The following PUDP variants were observed in gnomAD, a reference collection of about 807,000 sequenced individuals.
The protein encoded by PUDP is pseudouridine-5'-phosphatase.
A neutral mutation model predicts 9.4 loss-of-function variants in PUDP; 8 were observed. That is an observed-to-expected ratio of 0.85 (90% CI 0.50 to 1.53). The LOEUF is 1.53. PUDP is among the 40% of genes most tolerant of loss of function. The pLI is 0.00. For synonymous variants in PUDP, 99 were observed against 80.7 expected, an observed-to-expected ratio of 1.23 and a Z score of -1.22; for missense variants, 188 against 189.7, an observed-to-expected ratio of 0.99 and a Z score of 0.05.
chrX:6,913,439 T>C (rs777028641), intron 3 of PUDP, among the ~76,000 whole-genome samples: 2 of 112,111 alleles, frequency 1.8e-5, no homozygotes, highest in African/African-American at 6.5e-5. Context: ...AGAACCTTTT[T>C]TGGGGAGATA....
At chrX:6,813,366 A>G (rs1288729366) in intron 3 of PUDP, among the ~76,000 whole-genome samples, 2 of 111,143 alleles carry the variant, frequency 1.8e-5, no homozygotes, top group Non-Finnish European at 3.8e-5. Context: ...GAGCTTTGTA[A>G]CTCTTCCAAA....
At chrX:7,034,258 A>G (rs59375684) in intron 1 of PUDP, among the ~76,000 whole-genome samples, 36,148 of 110,621 alleles carry the variant, frequency 0.33, 4,477 homozygotes, top group Middle Eastern at 0.47. Context: ...GATTCAGCCA[A>G]TCTGACTCAG....
intron 3 of PUDP, among the ~76,000 whole-genome samples, chrX:6,783,981 G>A (rs1173268676): frequency 1.8e-5 from 2 of 111,269 alleles, no homozygotes; most frequent in Non-Finnish European, 3.8e-5. Flanking sequence ...TATTCCACAC[G>A]GGCCCTCAAT....
At chrX:6,860,099 G>A (rs969854771) in intron 3 of PUDP, among the ~76,000 whole-genome samples, 1 of 111,607 alleles carries the variant, frequency 9.0e-6, no homozygotes, top group Admixed American at 9.5e-5. Flanking sequence ...GAGAGTGGTT[G>A]AGCCAGGCTT....
chrX:6,844,096 C>T (rs1018066516), intron 3 of PUDP, among the ~76,000 whole-genome samples: 1 of 112,327 alleles, frequency 8.9e-6, no homozygotes, highest in African/African-American at 3.2e-5. Context: ...TCCCTTCTAT[C>T]TTCAATGCCA....
At chrX:6,868,660 T>G (rs1396471242) in intron 3 of PUDP, among the ~76,000 whole-genome samples, 3 of 112,618 alleles carry the variant, frequency 2.7e-5, no homozygotes, top group Non-Finnish European at 3.7e-5. Flanking sequence ...ATAAACTTGC[T>G]GTAAGTAGAA....
chrX:6,903,723 G>A lies in PUDP; in HGVS notation c.*247+73410C>T, dbSNP rs768791862. On this transcript the variant is annotated intron_variant and NMD_transcript_variant, in intron 3 of 3. Transcript: ENST00000655425. ...CAAATATTGCAGTTCTCACTTATAC[G>A]TAGAAGCTAAACAGTGGGTCCACAT... is the stretch of plus-strand genomic sequence containing the variant. 4.9e-4 allele frequency among the ~76,000 whole-genome samples: 54 copies of A among 110,466 alleles called. 1 individual carries two copies. Among genetic ancestry groups the A allele is most frequent in the Middle Eastern group, 4.7e-3 (1 of 214 alleles).
At chrX:7,092,145 T>A (rs1332663947) in intron 2 of PUDP, among the ~76,000 whole-genome samples, 4 of 112,930 alleles carry the variant, frequency 3.5e-5, no homozygotes, top group Admixed American at 9.3e-5. Flanking sequence ...TGAACCTGTA[T>A]CCTCACCTAC....
intron 3 of PUDP, among the ~76,000 whole-genome samples, chrX:6,917,602 G>T (rs774512355): frequency 3.5e-4 from 39 of 111,845 alleles, no homozygotes; most frequent in Non-Finnish European, 6.4e-4. Context: ...GTGGATTTAT[G>T]AGTTATAATT....
At chrX:7,006,351 G>A (rs1929402406) in intron 1 of PUDP, among the ~76,000 whole-genome samples, 1 of 111,546 alleles carries the variant, frequency 9.0e-6, no homozygotes, top group Non-Finnish European at 1.9e-5. Context: ...TATTTTCCGG[G>A]GTTTTTGCTT....
At chrX:7,108,130 A>G (rs1174737945) in intron 1 of PUDP, among the ~76,000 whole-genome samples, 1 of 112,558 alleles carries the variant, frequency 8.9e-6, no homozygotes, top group African/African-American at 3.2e-5. Context: ...CTTGAGAAAA[A>G]GTTTTCCGTG....
chrX:6,820,832 T>A (rs1316029304), intron 3 of PUDP, among the ~76,000 whole-genome samples: 1 of 111,358 alleles, frequency 9.0e-6, no homozygotes, highest in Non-Finnish European at 1.9e-5. Flanking sequence ...GAGCTGTCAG[T>A]GGATGTACCA....
intron 3 of PUDP, among the ~76,000 whole-genome samples, chrX:6,841,204 G>T (rs947635390): frequency 9.2e-6 from 1 of 109,064 alleles, no homozygotes; most frequent in Non-Finnish European, 1.9e-5. Context: ...TTGAACCCAG[G>T]AGGCAGAGGT....
chrX:6,780,213 GTATC>G, intron 3 of PUDP, among the ~76,000 whole-genome samples: 1 of 108,598 alleles, frequency 9.2e-6, no homozygotes, highest in East Asian at 2.9e-4. Context: ...CGTCACATAT[GTATC>G]TATGAATATG....
At chrX:7,136,519 C>T (rs1932746841) in intron 1 of PUDP, among the ~76,000 whole-genome samples, 1 of 112,473 alleles carries the variant, frequency 8.9e-6, no homozygotes, top group Non-Finnish European at 1.9e-5. Flanking sequence ...GGCTAATTCT[C>T]CCATTCTGTC....
chrX:7,122,769 T>A (rs1932378900), intron 1 of PUDP, among the ~76,000 whole-genome samples: 2 of 112,205 alleles, frequency 1.8e-5, no homozygotes, highest in African/African-American at 6.5e-5. Context: ...TGAACAGACC[T>A]TCTCCCCAGG....
chrX:7,030,154 G>A (rs1307902032), intron 1 of PUDP, among the ~76,000 whole-genome samples: 4 of 110,679 alleles, frequency 3.6e-5, no homozygotes, highest in Non-Finnish European at 7.5e-5. Flanking sequence ...TCTGCTATAG[G>A]AATCTAAGTA....
chrX:6,941,305 T>C (rs1411125650), intron 3 of PUDP, among the ~76,000 whole-genome samples: 1 of 109,338 alleles, frequency 9.1e-6, no homozygotes, highest in East Asian at 2.8e-4. Flanking sequence ...AGGATGATAA[T>C]TTATTTCCAG....
chrX:6,929,483 G>T (rs1312201707), intron 3 of PUDP, among the ~76,000 whole-genome samples: 1 of 112,748 alleles, frequency 8.9e-6, no homozygotes, highest in East Asian at 2.8e-4. Flanking sequence ...TAAAGACCTG[G>T]AATCAATAGT....
Sources: gnomAD v4.1 joint callset for allele counts (sites outside exome capture counted in the v4.1 genomes callset) on GRCh38, gnomAD v4.1.1 for gene constraint, MANE v1.5 for transcripts, NCBI Gene and HGNC (gene_info 2026-07-23, HGNC 2026-07-21) for gene names.